The following MYO6 variants were observed in gnomAD, a reference collection of about 807,000 sequenced individuals.
MYO6 encodes unconventional myosin-VI.
Under a neutral mutation model 178.7 loss-of-function variants are expected in MYO6, and 74 were observed. That is an observed-to-expected ratio of 0.41 (90% CI 0.34 to 0.50). The LOEUF is 0.50. Ranked by LOEUF, MYO6 falls within the 20% of genes least tolerant of loss-of-function variation. The pLI is 0.09. For synonymous variants in MYO6, 477 were observed against 504.6 expected (o/e 0.95, Z 0.73); for missense variants, 1,330 against 1,547.4 (o/e 0.86, Z 2.36).
intron 20 of MYO6, among the ~76,000 whole-genome samples, chr6:75,879,347 T>C (rs571273818): frequency 2.0e-5 from 3 of 152,048 alleles, no homozygotes; most frequent in African/African-American, 7.2e-5. Flanking sequence ...TTGGCTCAGA[T>C]GATCCTCCTG....
chr6:75,879,070 A>G (rs1404924474), intron 20 of MYO6, among the ~76,000 whole-genome samples: 1 of 152,224 alleles, frequency 6.6e-6, no homozygotes, highest in East Asian at 1.9e-4. Context: ...TTATGCACTG[A>G]TGATAACTTG....
chr6:75,789,454 C>G (rs569751006), intron 1 of MYO6, among the ~76,000 whole-genome samples: 2 of 152,000 alleles, frequency 1.3e-5, no homozygotes, highest in Non-Finnish European at 2.9e-5. Flanking sequence ...GTTCACTCTT[C>G]GAATGCTGAA....
chr6:75,853,553 A>G (rs1775465934), intron 11 of MYO6, among the ~76,000 whole-genome samples: 1 of 152,106 alleles, frequency 6.6e-6, no homozygotes, highest in Non-Finnish European at 1.5e-5. Context: ...TTGCATGTGG[A>G]CATCCAGTTG....
chr6:75,780,357 A>C (rs1392391012), intron 1 of MYO6, among the ~76,000 whole-genome samples: 1 of 152,154 alleles, frequency 6.6e-6, no homozygotes, highest in Admixed American at 6.6e-5. Context: ...CAGAAGAATC[A>C]CTGTAACCCA....
chr6:75,824,755 G>A (rs977476802), intron 3 of MYO6, among the ~76,000 whole-genome samples: 5 of 147,068 alleles, frequency 3.4e-5, no homozygotes, highest in Non-Finnish European at 7.5e-5. Flanking sequence ...CCTACTTTTC[G>A]GTCTAAATTT....
At chr6:75,845,003 T>G in intron 10 of MYO6, 26 bp downstream of exon 10, 1 of 1,563,038 alleles carries the variant, frequency 6.4e-7, no homozygotes, top group Middle Eastern at 1.7e-4. Flanking sequence ...GTTCATAAAA[T>G]CTTTAACTTA....
chr6:75,875,699 G>T (rs988763608), intron 20 of MYO6, among the ~76,000 whole-genome samples: 9 of 152,190 alleles, frequency 5.9e-5, no homozygotes, highest in Admixed American at 2.0e-4. Context: ...TATTCCCTTA[G>T]GTAGGCTCCC....
intron 1 of MYO6, among the ~76,000 whole-genome samples, chr6:75,814,904 A>G (rs899798688): frequency 2.6e-5 from 4 of 151,994 alleles, no homozygotes; most frequent in African/African-American, 9.7e-5. Flanking sequence ...TTCTAAGTCT[A>G]CACCTGCTTT....
intron 30 of MYO6, among the ~76,000 whole-genome samples, chr6:75,903,310 A>T (rs1275274776): frequency 3.3e-5 from 5 of 152,022 alleles, no homozygotes; most frequent in Non-Finnish European, 7.4e-5. Flanking sequence ...TGATCTGTCT[A>T]ATGTGGACAG....
Position 75,914,289 on chromosome 6 carries a change from T to C in MYO6, c.3658+8T>C. ...CCATCCTACTTGTGGCTGGTGTGTA[T>C]GATTCACATGGAAAACAAATTATAG... On this transcript the variant is annotated splice_region_variant and intron_variant, in intron 34 of 34. Coordinates refer to ENST00000369977, the MANE Select transcript of MYO6 (RefSeq NM_004999.4). The C allele has an allele frequency of 6.2e-7, 1 of 1,613,604 alleles. No individual in the cohort carries two copies. Among genetic ancestry groups the C allele is most frequent in the South Asian group, 1.1e-5 (1 of 91,076 alleles).
At position 75,886,025 on chromosome 6, in the gene MYO6, G is replaced by A. The variant is rs1778409068; in HGVS notation, c.2438G>A (p.Arg813Gln). 5 of 1,607,678 alleles carry A rather than the reference G, an allele frequency of 3.1e-6. No individual in the cohort carries two copies. Among genetic ancestry groups the A allele is most frequent in the Non-Finnish European group, 3.4e-6 (4 of 1,175,244 alleles). ...ATAGTGAAAAACAAAATAAAATATC[G>A]AGCTGAAGCCTGCATTAAAATGCAA... ...VIKLKNKIKY[R>Q]AEACIKMQKT... is the part of the protein sequence containing the mutation. The change falls in exon 24 of 35, where the codon CGA (arginine) becomes CAA (glutamine). Residue 813 changes from arginine to glutamine, a missense_variant. Arg to Gln is a conservative substitution (Grantham distance 43, BLOSUM62 1). Coordinates refer to ENST00000369977, the MANE Select transcript of MYO6 (RefSeq NM_004999.4).
intron 1 of MYO6, among the ~76,000 whole-genome samples, chr6:75,757,821 A>C (rs936152283): frequency 2.6e-5 from 4 of 152,058 alleles, no homozygotes; most frequent in Admixed American, 2.0e-4. Context: ...ATAATAATAC[A>C]TGTAAAACAC....
intron 29 of MYO6, among the ~76,000 whole-genome samples, chr6:75,897,004 T>C (rs1581941075): frequency 6.6e-6 from 1 of 152,350 alleles, no homozygotes; most frequent in East Asian, 1.9e-4. Flanking sequence ...AGGTGTATCT[T>C]GATGCAGGGT....
chr6:75,767,040 T>C (rs1262707809), intron 1 of MYO6, among the ~76,000 whole-genome samples: 2 of 152,132 alleles, frequency 1.3e-5, no homozygotes, highest in Non-Finnish European at 2.9e-5. Context: ...CTTTTTTTTT[T>C]TTTGAGATGG....
intron 27 of MYO6, among the ~76,000 whole-genome samples, chr6:75,891,600 C>G (rs547088354): frequency 6.6e-6 from 1 of 151,862 alleles, no homozygotes; most frequent in South Asian, 2.1e-4. Context: ...CCACTGCACT[C>G]CAGCCTGGGC....
intron 11 of MYO6, among the ~76,000 whole-genome samples, chr6:75,850,104 G>A (rs1270176740): frequency 6.6e-6 from 1 of 152,026 alleles, no homozygotes; most frequent in Non-Finnish European, 1.5e-5. Flanking sequence ...AATATTTTAA[G>A]CACATATCTT....
intron 24 of MYO6, among the ~76,000 whole-genome samples, chr6:75,886,622 A>T (rs1389545877): frequency 6.6e-6 from 1 of 152,186 alleles, no homozygotes; most frequent in Non-Finnish European, 1.5e-5. Context: ...CTGTGATTTG[A>T]ATTCTCAAAG....
chr6:75,791,020 G>A (rs1003773964), intron 1 of MYO6, among the ~76,000 whole-genome samples: 78 of 152,152 alleles, frequency 5.1e-4, no homozygotes, highest in African/African-American at 1.8e-3. Context: ...TGCAAGCTCC[G>A]CCTCCCGAGT....
At chr6:75,765,002 C>CA (rs957587029) in intron 1 of MYO6, among the ~76,000 whole-genome samples, 69 of 114,188 alleles carry the variant, frequency 6.0e-4, no homozygotes, top group Non-Finnish European at 6.1e-4. Flanking sequence ...CCGTCTCAAA[C>CA]AAAAAAAAAA....
Sources: gnomAD v4.1 joint callset for allele counts (sites outside exome capture counted in the v4.1 genomes callset) on GRCh38, gnomAD v4.1.1 for gene constraint, MANE v1.5 for transcripts, NCBI Gene and HGNC (gene_info 2026-07-23, HGNC 2026-07-21) for gene names.